KRCC1: variants seen among roughly 807,000 people sequenced by gnomAD.
The protein encoded by KRCC1 is lysine-rich coiled-coil protein 1.
Under a neutral mutation model 7.4 loss-of-function variants are expected in KRCC1, and 3 were observed. The observed-to-expected ratio is 0.40, with a 90% CI of 0.18 to 1.04. The LOEUF (loss-of-function observed/expected upper bound fraction) is 1.04, where lower values mean the gene tolerates loss of function less well. Ranked by LOEUF, KRCC1 falls within the 50% of genes least tolerant of loss-of-function variation. The probability of loss-of-function intolerance (pLI) is 0.33; values close to 1 mark genes in which losing one functional copy is unlikely to be tolerated. For missense variants in KRCC1, 277 were observed against 300.9 expected (o/e 0.92, Z 0.59); for synonymous variants, 102 against 101.6 (o/e 1.00, Z -0.02).
intron 3 of KRCC1, among the ~76,000 whole-genome samples, chr2:88,032,790 A>G (rs1411732399): frequency 6.6e-6 from 1 of 152,210 alleles, no homozygotes; most frequent in Non-Finnish European, 1.5e-5. Context: ...AATAATTGTA[A>G]TTCTTTTTTA....
chr2:88,046,104 T>C (rs1673327179), intron 1 of KRCC1, among the ~76,000 whole-genome samples: 1 of 152,238 alleles, frequency 6.6e-6, no homozygotes, highest in Non-Finnish European at 1.5e-5. Flanking sequence ...TTTTGAAATG[T>C]TGGCTTTGTT....
intron 1 of KRCC1, among the ~76,000 whole-genome samples, chr2:88,051,021 T>G (rs767119616): frequency 1.3e-5 from 2 of 151,720 alleles, no homozygotes; most frequent in African/African-American, 4.8e-5. Flanking sequence ...CCTCCTGGAT[T>G]CAAGCAGTCC....
At chr2:88,051,972 TA>T (rs1322555116) in intron 1 of KRCC1, among the ~76,000 whole-genome samples, 9 of 152,268 alleles carry the variant, frequency 5.9e-5, no homozygotes, top group Non-Finnish European at 1.5e-5. Context: ...TATTTTAGGA[TA>T]TTTGTGGCAT....
intron 1 of KRCC1, among the ~76,000 whole-genome samples, chr2:88,051,554 T>A (rs1673487805): frequency 6.6e-6 from 1 of 152,226 alleles, no homozygotes; most frequent in Non-Finnish European, 1.5e-5. Context: ...TAGTGTGACA[T>A]ATCAAATATT....
At chr2:88,033,819 A>G (rs957798358) in intron 3 of KRCC1, among the ~76,000 whole-genome samples, 3 of 152,244 alleles carry the variant, frequency 2.0e-5, no homozygotes, top group Non-Finnish European at 4.4e-5. Context: ...AATTCCACTT[A>G]GCAATTCCAC....
intron 1 of KRCC1, among the ~76,000 whole-genome samples, chr2:88,054,519 A>C (rs1293075455): frequency 2.6e-5 from 4 of 152,114 alleles, no homozygotes; most frequent in African/African-American, 9.7e-5. Flanking sequence ...CCTGACTCCC[A>C]GTCTCTGTGG....
intron 3 of KRCC1, among the ~76,000 whole-genome samples, chr2:88,032,184 T>A (rs1286775329): frequency 6.6e-6 from 1 of 152,024 alleles, no homozygotes; most frequent in Non-Finnish European, 1.5e-5. Context: ...AGCCTAAGTT[T>A]ACAGTATTTA....
Position 88,028,170 on chromosome 2 carries a change from C to T in KRCC1, c.394G>A (p.Val132Ile). 1.2e-6 allele frequency: 2 copies of T among 1,614,140 alleles called. No homozygotes were observed. The highest frequency in any genetic ancestry group is 2.2e-5 in the East Asian group (1 of 44,872). Residue 132 changes from valine to isoleucine, a missense_variant, in exon 4 of 4, where the codon GTA (valine) becomes ATA (isoleucine). Coordinates refer to ENST00000347055, the MANE Select transcript of KRCC1 (RefSeq NM_016618.3). ...QQEYICGSHGVEHRVYKHFSS... is the reference protein window; with the variant it reads ...QQEYICGSHGIEHRVYKHFSS... ...AAGTGCTTGTAAACTCTATGTTCTA[C>T]ACCATGTGAGCCACAAATATATTCT... is the stretch of plus-strand genomic sequence containing the variant.
intron 1 of KRCC1, among the ~76,000 whole-genome samples, chr2:88,043,810 C>T (rs1417011278): frequency 6.6e-6 from 1 of 152,172 alleles, no homozygotes; most frequent in Non-Finnish European, 1.5e-5. Flanking sequence ...GCTGGGATTA[C>T]AGGCATGTGC....
chr2:88,039,690 AAT>A (rs199781239), intron 1 of KRCC1, among the ~76,000 whole-genome samples: 1 of 151,702 alleles, frequency 6.6e-6, no homozygotes, highest in Admixed American at 6.6e-5. Flanking sequence ...TGTCTCAGAA[AAT>A]ATATATATAT....
At chr2:88,050,823 T>C (rs1433924252) in intron 1 of KRCC1, among the ~76,000 whole-genome samples, 1 of 152,158 alleles carries the variant, frequency 6.6e-6, no homozygotes, top group Non-Finnish European at 1.5e-5. Flanking sequence ...AGTATGTCTA[T>C]TTCTTTTAAC....
At chr2:88,049,718 T>C (rs1344646907) in intron 1 of KRCC1, among the ~76,000 whole-genome samples, 1 of 152,202 alleles carries the variant, frequency 6.6e-6, no homozygotes, top group Non-Finnish European at 1.5e-5. Flanking sequence ...GTGAATGTAG[T>C]AGGGGCAATT....
chr2:88,042,281 C>T (rs1226046744), intron 1 of KRCC1, among the ~76,000 whole-genome samples: 3 of 152,110 alleles, frequency 2.0e-5, no homozygotes, highest in South Asian at 4.2e-4. Flanking sequence ...AAGATGGTCT[C>T]GATCTCCTGA....
chr2:88,027,840 C>T lies in KRCC1; in HGVS notation c.724G>A (p.Gly242Ser). 5 of 1,610,066 alleles carry T rather than the reference C, an allele frequency of 3.1e-6. No homozygotes were observed. The highest frequency in any genetic ancestry group is 4.2e-6 in the Non-Finnish European group (5 of 1,179,262). The stretch of plus-strand genomic sequence containing the variant: ...ATTTCCTCCTCTGTCCTTTCTTGGC[C>T]TTGTTCCTTTTTCTTTTTTGTACGC... Reference protein sequence around the residue: ...RKRTKKKKEQGQERTEEEMLW... With the variant: ...RKRTKKKKEQSQERTEEEMLW... Residue 242 changes from glycine (G) to serine (S), a missense_variant, in exon 4 of 4, where the codon GGC (glycine) becomes AGC (serine). Physicochemically the swap from Gly to Ser is moderately conservative, Grantham distance 56. Transcript: ENST00000347055.
intron 3 of KRCC1, among the ~76,000 whole-genome samples, chr2:88,031,213 C>CA (rs1319861467): frequency 6.6e-6 from 1 of 152,082 alleles, no homozygotes; most frequent in African/African-American, 2.4e-5. Context: ...GAAGACCCCC[C>CA]AGTGGGACAA....
At chr2:88,045,598 G>T (rs1333687493) in intron 1 of KRCC1, among the ~76,000 whole-genome samples, 1 of 151,898 alleles carries the variant, frequency 6.6e-6, no homozygotes, top group African/African-American at 2.4e-5. Flanking sequence ...AGGGGCATAA[G>T]TACTTTTGGG....
At position 88,028,016 on chromosome 2, in the gene KRCC1, C is replaced by G. The variant is rs1672909155; in HGVS notation, c.548G>C (p.Ser183Thr). Residue 183 changes from serine to threonine, a missense_variant, in exon 4 of 4, where the codon AGC becomes ACC. Physicochemically the swap from Ser to Thr is moderately conservative, Grantham distance 58 (BLOSUM62 1). Coordinates refer to ENST00000347055, the MANE Select transcript of KRCC1 (RefSeq NM_016618.3). ...EERSKHKRKKSCEEIDLDKHK... is the reference protein window; with the variant it reads ...EERSKHKRKKTCEEIDLDKHK... ...TTTGTCTAAGTCAATTTCCTCGCAGCTTTTTTTTCTCTTATGCTTAGACCG... is the reference window on the plus strand; with the variant it reads ...TTTGTCTAAGTCAATTTCCTCGCAGGTTTTTTTTCTCTTATGCTTAGACCG... 6 of 1,613,770 alleles carry G rather than the reference C, an allele frequency of 3.7e-6. No homozygotes were observed. Among genetic ancestry groups the G allele is most frequent in the Non-Finnish European group, 5.1e-6 (6 of 1,179,902 alleles).
chr2:88,047,747 A>T (rs1286574567), intron 1 of KRCC1, among the ~76,000 whole-genome samples: 1 of 151,608 alleles, frequency 6.6e-6, no homozygotes, highest in Non-Finnish European at 1.5e-5. Context: ...CCAGGCTGGT[A>T]TCAAACTCAT....
intron 1 of KRCC1, among the ~76,000 whole-genome samples, chr2:88,055,415 C>G (rs1419494856): frequency 1.3e-5 from 2 of 152,110 alleles, no homozygotes; most frequent in Admixed American, 6.5e-5. Context: ...AGCCGAGCGC[C>G]CCTTCCCTCC....
Sources: allele counts gnomAD v4.1 joint callset (sites outside exome capture counted in the v4.1 genomes callset), GRCh38; gene constraint gnomAD v4.1.1; transcripts MANE v1.5; gene names NCBI Gene and HGNC (gene_info 2026-07-23, HGNC 2026-07-21).